Variants in OSBPL9 observed in about 807,000 individuals in gnomAD.
OSBPL9 encodes the protein oxysterol-binding protein-related protein 9.
OSBPL9 carries 40 observed loss-of-function variants against 106.6 expected under a neutral mutation model. The observed-to-expected ratio is 0.38, with a 90% CI of 0.29 to 0.49. OSBPL9 has a LOEUF of 0.49. Ranked by LOEUF, OSBPL9 falls within the 20% of genes least tolerant of loss-of-function variation. The pLI is 0.97. For synonymous variants in OSBPL9, 269 were observed against 295.4 expected (o/e 0.91, Z 0.92); for missense variants, 609 against 887.2 (o/e 0.69, Z 3.98).
At chr1:51,571,814 C>G in the OSBPL9 span, among the ~76,000 whole-genome samples, 166 of 152,318 alleles carry the variant, frequency 1.1e-3, 1 homozygote, top group African/African-American at 3.6e-3. Context: ...AGTTTTGAGT[C>G]TCTATTCTGC....
At chr1:51,562,107 T>A in the OSBPL9 span, 29 of 152,200 alleles carry the variant, frequency 1.9e-4, no homozygotes, top group African/African-American at 7.0e-4. Flanking sequence ...GAAAGGCCAA[T>A]TGATATGGTT....
At chr1:51,575,367 A>AT (rs66865959), upstream of OSBPL9, among the ~76,000 whole-genome samples, 18,689 of 141,260 alleles carry the variant, frequency 0.13, 2,849 homozygotes, top group African/African-American at 0.37. Flanking sequence ...CACCCGGCTA[A>AT]TTTTTTTTTT....
chr1:51,680,430 A>G (rs1409659345), intron 3 of OSBPL9, among the ~76,000 whole-genome samples: 2 of 151,822 alleles, frequency 1.3e-5, no homozygotes, highest in African/African-American at 4.8e-5. Context: ...AAGGCGGGGT[A>G]GATCACTTGA....
At chr1:51,712,177 G>A (rs935321522) in intron 3 of OSBPL9, among the ~76,000 whole-genome samples, 65 of 152,306 alleles carry the variant, frequency 4.3e-4, no homozygotes, top group African/African-American at 1.5e-3. Flanking sequence ...TCGGGAGGCC[G>A]AGGCTGGCGG....
At chr1:51,772,514 T>TCAAA (rs758823322) in intron 13 of OSBPL9, 91 bp from the exon 14 acceptor site, 48 of 1,090,208 alleles carry the variant, frequency 4.4e-5, no homozygotes, top group Middle Eastern at 3.9e-4. Flanking sequence ...AGACTCCATC[T>TCAAA]CAAACAAACA....
At chr1:51,698,451 C>G (rs185529999) in intron 3 of OSBPL9, among the ~76,000 whole-genome samples, 1 of 152,154 alleles carries the variant, frequency 6.6e-6, no homozygotes, top group East Asian at 1.9e-4. Context: ...AACGAATGTT[C>G]CAGTTTATAT....
intron 2 of OSBPL9, among the ~76,000 whole-genome samples, chr1:51,656,975 G>T (rs926567623): frequency 2.0e-5 from 3 of 151,974 alleles, no homozygotes; most frequent in Admixed American, 6.6e-5. Flanking sequence ...GACCATGCCT[G>T]GCCTATTTTT....
At chr1:51,526,901 C>T in the OSBPL9 span, among the ~76,000 whole-genome samples, 1 of 151,964 alleles carries the variant, frequency 6.6e-6, no homozygotes, top group Non-Finnish European at 1.5e-5. Context: ...AGCGCCACCA[C>T]ACCTGGCTAA....
At chr1:51,661,783 A>G (rs1388290682) in intron 2 of OSBPL9, among the ~76,000 whole-genome samples, 2 of 152,240 alleles carry the variant, frequency 1.3e-5, no homozygotes, top group South Asian at 2.1e-4. Context: ...AATCAAAAAA[A>G]TACTCTAAAC....
At chr1:51,672,552 G>GTT (rs1271549665) in intron 3 of OSBPL9, among the ~76,000 whole-genome samples, 1 of 151,982 alleles carries the variant, frequency 6.6e-6, no homozygotes, top group East Asian at 1.9e-4. Context: ...TAGAATAGAT[G>GTT]TTTTGTTAGG....
chr1:51,631,132 T>G (rs1262367334), intron 1 of OSBPL9, among the ~76,000 whole-genome samples: 1 of 152,104 alleles, frequency 6.6e-6, no homozygotes, highest in Non-Finnish European at 1.5e-5. Flanking sequence ...ATTGGTTGGG[T>G]TGGAGCTGTC....
At chr1:51,663,190 A>G (rs959134793) in intron 2 of OSBPL9, among the ~76,000 whole-genome samples, 2 of 152,218 alleles carry the variant, frequency 1.3e-5, no homozygotes, top group African/African-American at 4.8e-5. Context: ...TCAGGAAATG[A>G]TAAAACATTA....
chr1:51,599,596 T>C (rs1049222599), intron 2 of OSBPL9, among the ~76,000 whole-genome samples: 1 of 152,194 alleles, frequency 6.6e-6, no homozygotes, highest in Non-Finnish European at 1.5e-5. Flanking sequence ...TCTTTATTTG[T>C]AAGCAACAAT....
chr1:51,769,922 ACT>A (rs367961130), intron 12 of OSBPL9, among the ~76,000 whole-genome samples: 6 of 152,042 alleles, frequency 3.9e-5, no homozygotes, highest in Non-Finnish European at 7.4e-5. Context: ...TAAAAGATTG[ACT>A]CTATTTTGAG....
At chr1:51,584,403 G>A (rs1441745042) in intron 1 of OSBPL9, among the ~76,000 whole-genome samples, 1 of 152,096 alleles carries the variant, frequency 6.6e-6, no homozygotes, top group African/African-American at 2.4e-5. Flanking sequence ...TACAATGAAA[G>A]GGTTGGATTC....
chr1:51,535,015 G>A, the OSBPL9 span, among the ~76,000 whole-genome samples: 2,338 of 152,248 alleles, frequency 0.015, 19 homozygotes, highest in Middle Eastern at 0.031. Context: ...TCAACCCCCT[G>A]TTATAACTTA....
At chr1:51,665,269 C>T (rs548176181) in intron 2 of OSBPL9, among the ~76,000 whole-genome samples, 1 of 152,166 alleles carries the variant, frequency 6.6e-6, no homozygotes, top group South Asian at 2.1e-4. Flanking sequence ...CTCAGCCTCC[C>T]GAGTAGCTGG....
In OSBPL9 at chr1:51,788,333, A is replaced by T. The variant is rs1678199747; in HGVS notation, c.*544A>T. On this transcript the variant is annotated 3_prime_UTR_variant, in exon 24 of 24. Coordinates refer to ENST00000428468, the MANE Select transcript of OSBPL9 (RefSeq NM_024586.6). ...TTAAAATCAAGTGTTAGGAAATTTC[A>T]TGGTCTTACCTACAATAACTTTTAT... The T allele has an allele frequency of 6.5e-6, 1 of 152,730 alleles. No individual in the cohort carries two copies. Among genetic ancestry groups the T allele is most frequent in the Non-Finnish European group, 1.5e-5 (1 of 68,118 alleles). The allele number at this position is 152,730 out of a possible 1,614,324, so 9.5% of individuals were successfully genotyped here.
chr1:51,689,426 CT>C (rs1339599853), intron 3 of OSBPL9, among the ~76,000 whole-genome samples: 9 of 151,798 alleles, frequency 5.9e-5, no homozygotes, highest in African/African-American at 2.2e-4. Context: ...TTCTTCCTTT[CT>C]GAAACTCTTA....
Sources: allele counts gnomAD v4.1 joint callset (sites outside exome capture counted in the v4.1 genomes callset), GRCh38; gene constraint gnomAD v4.1.1; transcripts MANE v1.5; gene names NCBI Gene and HGNC (gene_info 2026-07-23, HGNC 2026-07-21).